The following CAMTA1 variants were observed in gnomAD, a reference collection of about 807,000 sequenced individuals.
CAMTA1 encodes the protein calmodulin binding transcription activator 1.
CAMTA1 carries 27 observed loss-of-function variants against 170.9 expected under a neutral mutation model. The observed-to-expected ratio is 0.16, with a 90% CI of 0.12 to 0.22. CAMTA1 has a LOEUF of 0.22. CAMTA1 is among the 10% of genes least tolerant of loss of function. The pLI, the probability that CAMTA1 is intolerant of heterozygous loss-of-function variation, is 1.00. For missense variants in CAMTA1, 1,619 were observed against 2,217.2 expected (o/e 0.73, Z 5.42); for synonymous variants, 833 against 891.5 (o/e 0.93, Z 1.17).
intron 5 of CAMTA1, among the ~76,000 whole-genome samples, chr1:7,352,398 G>A (rs1298961796): frequency 1.3e-5 from 2 of 152,188 alleles, no homozygotes; most frequent in African/African-American, 4.8e-5. Context: ...GATTCTGCAG[G>A]TTGGATTTCA....
chr1:7,530,204 C>T (rs997394031), intron 6 of CAMTA1, among the ~76,000 whole-genome samples: 3 of 152,234 alleles, frequency 2.0e-5, no homozygotes, highest in Non-Finnish European at 2.9e-5. Context: ...CGTGCACAGC[C>T]ACCTTGGCCT....
At chr1:7,258,931 T>C (rs1667789814) in intron 5 of CAMTA1, among the ~76,000 whole-genome samples, 1 of 152,164 alleles carries the variant, frequency 6.6e-6, no homozygotes, top group African/African-American at 2.4e-5. Context: ...AGTAGGCTCA[T>C]ACCACTCTGC....
At chr1:7,416,447 C>CT (rs2091180433) in intron 5 of CAMTA1, among the ~76,000 whole-genome samples, 1 of 152,304 alleles carries the variant, frequency 6.6e-6, no homozygotes, top group African/African-American at 2.4e-5. Flanking sequence ...TTCTTGGAGA[C>CT]TTTTTTCGTT....
chr1:7,572,789 G>A (rs577342134), intron 6 of CAMTA1, among the ~76,000 whole-genome samples: 1 of 152,316 alleles, frequency 6.6e-6, no homozygotes, highest in African/African-American at 2.4e-5. Flanking sequence ...GTTCAGACCA[G>A]AGCAGAAAGG....
At chr1:7,381,320 A>C (rs2087303326) in intron 5 of CAMTA1, among the ~76,000 whole-genome samples, 2 of 128,560 alleles carry the variant, frequency 1.6e-5, no homozygotes, top group Non-Finnish European at 1.6e-5. Flanking sequence ...CAACCCCACA[A>C]CAGTCCCCAG....
chr1:7,086,115 G>A (rs1259304377), intron 3 of CAMTA1, among the ~76,000 whole-genome samples: 6 of 152,186 alleles, frequency 3.9e-5, no homozygotes. Flanking sequence ...ATACCTTGGC[G>A]GCCGTTTTTC....
chr1:7,638,087 T>C (rs1576528009), intron 6 of CAMTA1, among the ~76,000 whole-genome samples: 1 of 152,108 alleles, frequency 6.6e-6, no homozygotes, highest in Non-Finnish European at 1.5e-5. Context: ...CATGGATTGA[T>C]TGATTCATAT....
intron 5 of CAMTA1, among the ~76,000 whole-genome samples, chr1:7,423,469 C>CAAAA (rs1016382434): frequency 4.2e-5 from 2 of 47,870 alleles, no homozygotes; most frequent in Admixed American, 2.3e-4. Flanking sequence ...AACTCCATCT[C>CAAAA]AAAAAAAAAA....
intron 6 of CAMTA1, among the ~76,000 whole-genome samples, chr1:7,599,491 C>G (rs2095424544): frequency 6.6e-6 from 1 of 152,130 alleles, no homozygotes; most frequent in Non-Finnish European, 1.5e-5. Flanking sequence ...TCATTGGTAG[C>G]TTGATGGGGA....
chr1:7,367,819 G>GC (rs1188690571), intron 5 of CAMTA1, among the ~76,000 whole-genome samples: 2 of 152,348 alleles, frequency 1.3e-5, no homozygotes, highest in Non-Finnish European at 2.9e-5. Context: ...CAGGCCCTGG[G>GC]CACTCATGGT....
intron 6 of CAMTA1, among the ~76,000 whole-genome samples, chr1:7,577,190 G>A (rs566177345): frequency 5.3e-5 from 8 of 152,212 alleles, no homozygotes; most frequent in Non-Finnish European, 1.2e-4. Context: ...GAGGCCTGGA[G>A]GAGACGTTCC....
chr1:7,121,784 C>T (rs1040079049), intron 4 of CAMTA1, among the ~76,000 whole-genome samples: 1 of 152,152 alleles, frequency 6.6e-6, no homozygotes, highest in Non-Finnish European at 1.5e-5. Flanking sequence ...GTGCTGAGGC[C>T]TGGCTGGGGA....
At chr1:6,943,869 GAAA>G (rs1218712576) in intron 3 of CAMTA1, among the ~76,000 whole-genome samples, 62 of 83,834 alleles carry the variant, frequency 7.4e-4, no homozygotes, top group African/African-American at 1.6e-3. Flanking sequence ...AAAAAAAAAA[GAAA>G]AAAATACACA....
intron 5 of CAMTA1, among the ~76,000 whole-genome samples, chr1:7,399,392 C>T (rs1413917298): frequency 1.3e-5 from 2 of 152,322 alleles, no homozygotes; most frequent in East Asian, 3.9e-4. Context: ...CTAATACAGC[C>T]TGTAGAACCA....
chr1:7,590,639 C>A (rs1177445916), intron 6 of CAMTA1, among the ~76,000 whole-genome samples: 1 of 152,224 alleles, frequency 6.6e-6, no homozygotes, highest in African/African-American at 2.4e-5. Context: ...AACTCCCTCC[C>A]CTCCACCAGA....
At position 7,664,605 on chromosome 1, in the gene CAMTA1, A is replaced by C. The variant is rs1164295538; in HGVS notation, c.2058A>C (p.Ala686=). The C allele has an allele frequency of 1.9e-6, 3 of 1,611,598 alleles. No homozygotes were observed. The highest frequency in any genetic ancestry group is 1.3e-5 in the African/African-American group (1 of 74,898). ...AGGCCAACTTCCAGGCCATGACGGC[A>C]GAAGGGGAGGTCACCATGGAGACCT... The part of the protein sequence containing the change: ...QFQANFQAMT[A]EGEVTMETSQ... Residue 686 remains alanine (A), a synonymous_variant, in exon 9 of 23, where the codon GCA becomes GCC. Transcript: ENST00000303635.
chr1:7,512,177 C>T (rs965914921), intron 6 of CAMTA1, among the ~76,000 whole-genome samples: 3 of 152,182 alleles, frequency 2.0e-5, no homozygotes, highest in Non-Finnish European at 4.4e-5. Flanking sequence ...TGCTCTGTAC[C>T]AATCACTGTT....
chr1:6,819,248 CAAA>C (rs1041995339), intron 1 of CAMTA1, among the ~76,000 whole-genome samples: 2 of 151,398 alleles, frequency 1.3e-5, no homozygotes, highest in African/African-American at 2.4e-5. Context: ...TGCAGCCAAA[CAAA>C]AAAGATATTT....
chr1:7,516,885 G>A (rs942417605), intron 6 of CAMTA1, among the ~76,000 whole-genome samples: 4 of 152,144 alleles, frequency 2.6e-5, no homozygotes, highest in African/African-American at 9.7e-5. Flanking sequence ...AATGGGCATA[G>A]CTCTATTGTT....
Sources: gnomAD v4.1 joint callset for allele counts (sites outside exome capture counted in the v4.1 genomes callset) on GRCh38, gnomAD v4.1.1 for gene constraint, MANE v1.5 for transcripts, NCBI Gene and HGNC (gene_info 2026-07-23, HGNC 2026-07-21) for gene names.